The following PACRG variants were observed in gnomAD, a reference collection of about 807,000 sequenced individuals.
The protein encoded by PACRG is parkin coregulated.
In PACRG, 29 loss-of-function variants were observed where a neutral mutation model predicts 29.7. The ratio of observed to expected loss-of-function variants is 0.98; its 90% CI spans 0.73 to 1.33. The LOEUF is 1.33. PACRG is among the 40% of genes most tolerant of loss of function. The pLI, the probability that PACRG is intolerant of heterozygous loss-of-function variation, is 0.00. For synonymous variants in PACRG, 116 were observed against 118.7 expected (o/e 0.98, Z 0.15); for missense variants, 279 against 316.2 (o/e 0.88, Z 0.89).
chr6:163,303,438 A>T (rs1296390711), intron 4 of PACRG, among the ~76,000 whole-genome samples: 1 of 152,212 alleles, frequency 6.6e-6, no homozygotes, highest in East Asian at 1.9e-4. Flanking sequence ...TTACCTAGAA[A>T]TGGAGAAGTC....
intron 4 of PACRG, among the ~76,000 whole-genome samples, chr6:163,122,061 A>T (rs530550276): frequency 6.6e-6 from 1 of 152,076 alleles, no homozygotes; most frequent in East Asian, 1.9e-4. Context: ...ATTAATGGTC[A>T]TTTTCTACTA....
rs1273985630 is a variant in PACRG at position 163,177,626 on chromosome 6, C to T, written c.613+88218C>T. Among the ~76,000 whole-genome samples the T allele has an allele frequency of 2.7e-4, 39 of 147,060 alleles. 1 individual carries two copies. The highest frequency in any genetic ancestry group is 2.4e-3 in the Admixed American group (35 of 14,558). On this transcript the variant is annotated intron_variant, in intron 4 of 4. Coordinates refer to ENST00000366888, the MANE Select transcript of PACRG (RefSeq NM_001080379.2). ...GGCCAAGGTGTGGCCTGGGGAGTGA[C>T]GGATCATAAAGCCCCCTCTCGTGAG...
At chr6:163,254,451 A>G (rs1261134148) in intron 4 of PACRG, among the ~76,000 whole-genome samples, 1 of 152,164 alleles carries the variant, frequency 6.6e-6, no homozygotes, top group Non-Finnish European at 1.5e-5. Flanking sequence ...AAACAGATCC[A>G]TTGTTATATG....
At chr6:163,059,512 T>C (rs1426399504) in intron 2 of PACRG, among the ~76,000 whole-genome samples, 2 of 152,164 alleles carry the variant, frequency 1.3e-5, no homozygotes, top group African/African-American at 4.8e-5. Flanking sequence ...ACTGCATCAA[T>C]AATGATAAAG....
intron 2 of PACRG, among the ~76,000 whole-genome samples, chr6:162,914,476 G>T (rs531947736): frequency 2.8e-5 from 4 of 145,164 alleles, no homozygotes; most frequent in Non-Finnish European, 6.0e-5. Context: ...ATCAGGTAGC[G>T]TACATAAGGT....
In PACRG at chr6:162,891,318, T is replaced by G. The variant is rs556972775; in HGVS notation, c.291+77037T>G. Among the ~76,000 whole-genome samples, 3 of 152,320 alleles carry G rather than the reference T, an allele frequency of 2.0e-5. No homozygotes were observed. The East Asian group carries it at 5.8e-4, about 29-fold the overall frequency. ...TCTTGAGAAGGGGAAGTTGAGGCAC[T>G]AAGTAGAAGGAAAACCCTTAGGGAA... On this transcript the variant is annotated intron_variant, in intron 2 of 4. Coordinates refer to ENST00000366888, the MANE Select transcript of PACRG (RefSeq NM_001080379.2).
chr6:162,860,723 T>C (rs1791788599), intron 2 of PACRG, among the ~76,000 whole-genome samples: 3 of 152,220 alleles, frequency 2.0e-5, no homozygotes, highest in Admixed American at 1.3e-4. Flanking sequence ...AAGGTACAAA[T>C]TTGAAATGTT....
chr6:162,740,903 C>G (rs1407356960), intron 1 of PACRG, among the ~76,000 whole-genome samples: 1 of 151,980 alleles, frequency 6.6e-6, no homozygotes, highest in Non-Finnish European at 1.5e-5. Context: ...CCAGCCATTT[C>G]AATTTTTTAT....
At chr6:162,948,174 A>G (rs373655747) in intron 2 of PACRG, among the ~76,000 whole-genome samples, 1 of 152,288 alleles carries the variant, frequency 6.6e-6, no homozygotes, top group East Asian at 1.9e-4. Flanking sequence ...CCAGAACAGG[A>G]TGGTATTGAT....
At chr6:163,206,771 A>T (rs1780919726) in intron 4 of PACRG, among the ~76,000 whole-genome samples, 1 of 60,132 alleles carries the variant, frequency 1.7e-5, no homozygotes, top group African/African-American at 1.4e-4. Context: ...AATGGGGAGA[A>T]CAGTCTCTTA....
intron 2 of PACRG, among the ~76,000 whole-genome samples, chr6:163,012,839 C>T (rs1805741536): frequency 1.3e-5 from 2 of 152,210 alleles, no homozygotes. Flanking sequence ...CAACACACTA[C>T]AGGTGTAGAG....
intron 2 of PACRG, among the ~76,000 whole-genome samples, chr6:163,035,376 C>T (rs548998114): frequency 4.6e-5 from 7 of 151,948 alleles, no homozygotes; most frequent in Admixed American, 1.3e-4. Flanking sequence ...AGGCTGGGCA[C>T]GGTGGCTCAT....
chr6:163,213,433 A>G lies in PACRG; in HGVS notation c.614-101394A>G, dbSNP rs565556061. 3.3e-5 allele frequency among the ~76,000 whole-genome samples: 5 copies of G among 152,334 alleles called. No individual in the cohort carries two copies. In the South Asian group the frequency reaches 6.2e-4, roughly 19 times the overall value. On this transcript the variant is annotated intron_variant, in intron 4 of 4. Transcript: ENST00000366888. ...TAAGGATGTTATTGGGACAACTGGCAATATGTGAATGAGTTGGGGATAAAG... is the reference window on the plus strand; with the variant it reads ...TAAGGATGTTATTGGGACAACTGGCGATATGTGAATGAGTTGGGGATAAAG...
intron 2 of PACRG, among the ~76,000 whole-genome samples, chr6:163,048,023 TA>T (rs1165499870): frequency 6.6e-6 from 1 of 152,214 alleles, no homozygotes; most frequent in African/African-American, 2.4e-5. Flanking sequence ...GAAATGCTAT[TA>T]TTTTTAGTGC....
chr6:163,285,139 C>G (rs1057269628), intron 4 of PACRG, among the ~76,000 whole-genome samples: 1 of 152,066 alleles, frequency 6.6e-6, no homozygotes, highest in Non-Finnish European at 1.5e-5. Flanking sequence ...GCCAGCATCA[C>G]CTGACTCCTG....
At position 162,836,882 on chromosome 6, in the gene PACRG, A is replaced by G. The variant is rs1789275799; in HGVS notation, c.291+22601A>G. Among the ~76,000 whole-genome samples, 2 of 152,136 alleles carry G rather than the reference A, an allele frequency of 1.3e-5. 1 individual carries two copies. Among genetic ancestry groups the G allele is most frequent in the South Asian group, 4.1e-4 (2 of 4,830 alleles). Reference sequence around the variant, plus strand: ...GATATTAGTTTGGGGATTTTTCACAATGTTACAAAGCTAGTGAGTAGCCCT... The same window carrying G: ...GATATTAGTTTGGGGATTTTTCACAGTGTTACAAAGCTAGTGAGTAGCCCT... On this transcript the variant is annotated intron_variant, in intron 2 of 4. Coordinates refer to ENST00000366888, the MANE Select transcript of PACRG (RefSeq NM_001080379.2).
intron 1 of PACRG, among the ~76,000 whole-genome samples, chr6:162,778,525 A>G (rs1265506532): frequency 1.3e-5 from 2 of 152,216 alleles, no homozygotes; most frequent in Non-Finnish European, 2.9e-5. Flanking sequence ...ATACAAACTT[A>G]GAGGTTGCGG....
intron 2 of PACRG, among the ~76,000 whole-genome samples, chr6:163,027,154 A>G (rs2128225238): frequency 6.6e-6 from 1 of 152,248 alleles, no homozygotes; most frequent in Non-Finnish European, 1.5e-5. Context: ...TAGGATGAGA[A>G]ATTTACTTTT....
intron 4 of PACRG, among the ~76,000 whole-genome samples, chr6:163,270,537 AT>A (rs11331698): frequency 0.65 from 97,288 of 150,136 alleles, 31,404 homozygotes; most frequent in Middle Eastern, 0.7. Context: ...TGCCTGACTA[AT>A]TTTTTTTTTT....
Sources: gnomAD v4.1 joint callset for allele counts (sites outside exome capture counted in the v4.1 genomes callset) on GRCh38, gnomAD v4.1.1 for gene constraint, MANE v1.5 for transcripts, NCBI Gene and HGNC (gene_info 2026-07-23, HGNC 2026-07-21) for gene names.